Variants in MFN2 observed in about 807,000 individuals in gnomAD.
MFN2 encodes the protein mitofusin-2.
Under a neutral mutation model 87.5 loss-of-function variants are expected in MFN2, and 43 were observed. The observed-to-expected ratio is 0.49, with a 90% CI of 0.38 to 0.63. MFN2 has a LOEUF of 0.63. MFN2 is among the 30% of genes least tolerant of loss of function. The pLI, the probability that MFN2 is intolerant of heterozygous loss-of-function variation, is 0.00. For synonymous variants in MFN2, 337 were observed against 359.9 expected (o/e 0.94, Z 0.72); for missense variants, 743 against 972.8 (o/e 0.76, Z 3.14).
chr1:11,997,268 G>A (rs1487835665), intron 5 of MFN2, 29 bp from the exon 6 acceptor site: 2 of 1,613,616 alleles, frequency 1.2e-6, no homozygotes, highest in Admixed American at 3.3e-5. Flanking sequence ...TTCCTCCTCA[G>A]CCTCTTTCTT....
At chr1:11,983,999 C>T (rs942572515) in intron 2 of MFN2, among the ~76,000 whole-genome samples, 2 of 152,200 alleles carry the variant, frequency 1.3e-5, no homozygotes, top group Non-Finnish European at 2.9e-5. Flanking sequence ...GGTTTGGATG[C>T]AGCTGCAGGC....
intron 2 of MFN2, among the ~76,000 whole-genome samples, chr1:11,988,650 C>T (rs1262302766): frequency 1.3e-5 from 2 of 152,068 alleles, no homozygotes; most frequent in African/African-American, 4.8e-5. Context: ...ACCCTCCCAC[C>T]TCAGACTCCC....
In MFN2 at chr1:11,991,462, C is replaced by G. The variant is rs78664666; in HGVS notation, c.176-1093C>G. Among the ~76,000 whole-genome samples, 373 of 152,290 alleles carry G rather than the reference C, an allele frequency of 2.4e-3. 8 individuals are homozygous for G. In the East Asian group the frequency reaches 0.042, roughly 17 times the overall value. On this transcript the variant is annotated intron_variant, in intron 3 of 18. Transcript: ENST00000235329. ...CCAAGTGAGAATGAGCCACGCTGCC[C>G]CAAGGCAGTGTAGTGTGTCAGTTCT... is the stretch of plus-strand genomic sequence containing the variant.
chr1:12,004,493 C>A lies in MFN2; in HGVS notation c.1288-16C>A. On this transcript the variant is annotated splice_polypyrimidine_tract_variant and intron_variant, in intron 12 of 18. Coordinates refer to ENST00000235329, the MANE Select transcript of MFN2 (RefSeq NM_014874.4). This position sits in a 1 kb window ranked among gnomAD's most constrained non-coding sequence, Gnocchi z 4.2. ...GTCTTCCTTGATACTTAACAGTGTG[C>A]TTCCTTTTGCTGTAGGTGTCGACTG... is the stretch of plus-strand genomic sequence containing the variant. The A allele has an allele frequency of 6.2e-7, 1 of 1,610,696 alleles. No individual in the cohort carries two copies. Among genetic ancestry groups the A allele is most frequent in the African/African-American group, 1.3e-5 (1 of 74,966 alleles).
At chr1:11,992,837 T>A in intron 4 of MFN2, 147 bp downstream of exon 4, 1 of 1,131,074 alleles carries the variant, frequency 8.8e-7, no homozygotes, top group Non-Finnish European at 1.2e-6. Flanking sequence ...ATTTATTTGA[T>A]TTTTGAGACA....
At chr1:11,986,153 C>T (rs1638395408) in intron 2 of MFN2, among the ~76,000 whole-genome samples, 1 of 152,206 alleles carries the variant, frequency 6.6e-6, no homozygotes, top group Admixed American at 6.5e-5. Flanking sequence ...CTTCTGCCCA[C>T]TCTTTGGGAT....
intron 11 of MFN2, among the ~76,000 whole-genome samples, 186 bp downstream of exon 11, chr1:12,002,289 G>A (rs922727402): frequency 6.6e-6 from 1 of 152,208 alleles, no homozygotes. Flanking sequence ...AGGGCGGCTG[G>A]GTGCTTCATC....
At chr1:11,994,470 G>C (rs1466850079) in intron 4 of MFN2, among the ~76,000 whole-genome samples, 1 of 152,058 alleles carries the variant, frequency 6.6e-6, no homozygotes, top group Non-Finnish European at 1.5e-5. Context: ...GGCGCCTGTA[G>C]TCCCAGCTAC....
chr1:12,002,565 G>C (rs1639227138), intron 11 of MFN2, among the ~76,000 whole-genome samples: 1 of 152,220 alleles, frequency 6.6e-6, no homozygotes, highest in South Asian at 2.1e-4. Context: ...GCACACACCT[G>C]TAGTTCCAGC....
chr1:11,987,763 C>T (rs115531794), intron 2 of MFN2, among the ~76,000 whole-genome samples: 3,516 of 151,902 alleles, frequency 0.023, 126 homozygotes, highest in African/African-American at 0.08. Context: ...GCCTGGGCAA[C>T]ATAAGAAGAC....
At chr1:12,000,134 G>A (rs906154814) in intron 8 of MFN2, among the ~76,000 whole-genome samples, 3 of 151,982 alleles carry the variant, frequency 2.0e-5, no homozygotes, top group Admixed American at 6.5e-5. Context: ...TAATAAGATT[G>A]ATAATATGGC....
chr1:11,981,083 ATCTC>A (rs958689991), intron 1 of MFN2, among the ~76,000 whole-genome samples: 4 of 152,034 alleles, frequency 2.6e-5, no homozygotes, highest in East Asian at 1.9e-4. Context: ...ATTCTCAATC[ATCTC>A]TCTCTCTTCT....
rs1410074802 is a variant in MFN2, at chr1:11,982,114, A to G, written c.-5A>G. ...GTGAAGATCTCTCACCATCCAAAAA[A>G]GTAAGTAGTAGCTGTGACTTCTGGC... On this transcript the variant is annotated splice_region_variant and 5_prime_UTR_variant, in exon 2 of 19. Coordinates refer to ENST00000235329, the MANE Select transcript of MFN2 (RefSeq NM_014874.4). 6.6e-6 allele frequency: 1 copy of G among 151,414 alleles called. No individual in the cohort carries two copies. The highest frequency in any genetic ancestry group is 2.0e-4 in the East Asian group (1 of 5,100). 9.4% of individuals were successfully genotyped at this position (151,414 alleles called of 1,614,324 possible). A position where few individuals can be genotyped will look rare whatever the true frequency, so the allele number is the denominator to read the frequency against.
At chr1:12,010,189 C>T (rs1055660546) in intron 18 of MFN2, among the ~76,000 whole-genome samples, 1 of 152,174 alleles carries the variant, frequency 6.6e-6, no homozygotes, top group Non-Finnish European at 1.5e-5. Context: ...TACCACGTAC[C>T]TCATGGATGC....
intron 2 of MFN2, among the ~76,000 whole-genome samples, chr1:11,988,134 G>T (rs1638507080): frequency 6.7e-6 from 1 of 150,018 alleles, no homozygotes; most frequent in South Asian, 2.1e-4. Context: ...ACTTGGTCTG[G>T]CTCTGTCACC....
rs184982374 is a variant in MFN2, at chr1:11,998,497, G to A, written c.600-273G>A. ...TGGGAGGCGGAGGTTGCAGTGAGCC[G>A]AGATCGTGCCATTGCACTCCAGCCC... On this transcript the variant is annotated intron_variant, in intron 6 of 18. Coordinates refer to ENST00000235329, the MANE Select transcript of MFN2 (RefSeq NM_014874.4). Among the ~76,000 whole-genome samples, 460 of 152,190 alleles carry A rather than the reference G, an allele frequency of 3.0e-3. 3 individuals carry two copies. Among genetic ancestry groups the A allele is most frequent in the African/African-American group, 0.01 (421 of 41,510 alleles).
chr1:12,008,543 C>G (rs1402843809), intron 17 of MFN2, among the ~76,000 whole-genome samples: 1 of 151,254 alleles, frequency 6.6e-6, no homozygotes, highest in Admixed American at 6.6e-5. Context: ...GGCTGCCTGG[C>G]GGAGGGGCTC....
intron 9 of MFN2, 41 bp downstream of exon 9, chr1:12,001,595 G>A: frequency 6.2e-7 from 1 of 1,613,914 alleles, no homozygotes; most frequent in South Asian, 1.1e-5. Flanking sequence ...TCTGATGTTT[G>A]AGACATTTTG....
At chr1:12,010,515 G>T (rs6701592) in intron 18 of MFN2, among the ~76,000 whole-genome samples, 4,685 of 152,192 alleles carry the variant, frequency 0.031, 237 homozygotes, top group African/African-American at 0.11. Context: ...CCATGAAGAG[G>T]GCATAGCCCC....
Sources: allele counts gnomAD v4.1 joint callset (sites outside exome capture counted in the v4.1 genomes callset), GRCh38; gene constraint gnomAD v4.1.1; non-coding constraint Gnocchi (gnomAD v3.1); transcripts MANE v1.5; gene names NCBI Gene and HGNC (gene_info 2026-07-23, HGNC 2026-07-21).